Variants in MAN1A2 observed in about 807,000 individuals in gnomAD.
The protein encoded by MAN1A2 is mannosidase alpha class 1A member 2.
A neutral mutation model predicts 75.7 loss-of-function variants in MAN1A2; 26 were observed. The ratio of observed to expected loss-of-function variants is 0.34; its 90% CI spans 0.25 to 0.48. The LOEUF (loss-of-function observed/expected upper bound fraction) is 0.48, where lower values mean the gene tolerates loss of function less well. MAN1A2 is among the 20% of genes least tolerant of loss of function. The pLI, the probability that MAN1A2 is intolerant of heterozygous loss-of-function variation, is 0.99. For missense variants in MAN1A2, 562 were observed against 775.5 expected, an observed-to-expected ratio of 0.72 and a Z score of 3.27; for synonymous variants, 247 against 264.6, an observed-to-expected ratio of 0.93 and a Z score of 0.65.
chr1:117,373,524 C>CTGGAGTG (rs1557923236), intron 1 of MAN1A2, among the ~76,000 whole-genome samples: 1 of 142,318 alleles, frequency 7.0e-6, no homozygotes, highest in South Asian at 2.2e-4. Flanking sequence ...GTGGTCCAGG[C>CTGGAGTG]TGGAGTGCAG....
intron 3 of MAN1A2, among the ~76,000 whole-genome samples, chr1:117,407,080 A>G (rs191855679): frequency 6.3e-4 from 96 of 152,172 alleles, no homozygotes; most frequent in African/African-American, 2.1e-3. Context: ...GGAAACATCT[A>G]TTCTGCGAAG....
At chr1:117,379,658 T>G (rs1653267300) in intron 1 of MAN1A2, among the ~76,000 whole-genome samples, 1 of 152,148 alleles carries the variant, frequency 6.6e-6, no homozygotes, top group African/African-American at 2.4e-5. Flanking sequence ...CCCCCTAGCC[T>G]CTGACAACCA....
chr1:117,368,421 G>T lies in MAN1A2; in HGVS notation c.238G>T (p.Ala80Ser). ...LEDVLIPHVDAGKGAKNPGVF... is the reference protein window; with the variant it reads ...LEDVLIPHVDSGKGAKNPGVF... Reference sequence around the variant, plus strand: ...AGATGTGTTAATTCCACATGTAGATGCCGGTAAAGGGGCTAAAAACCCCGG... The same window carrying T: ...AGATGTGTTAATTCCACATGTAGATTCCGGTAAAGGGGCTAAAAACCCCGG... The change falls in exon 1 of 13, where the codon GCC becomes TCC. Residue 80 changes from alanine (A) to serine (S), a missense_variant. Physicochemically the swap from Ala to Ser is moderately conservative, Grantham distance 99 (BLOSUM62 1). Transcript: ENST00000356554. The T allele has an allele frequency of 1.2e-6, 2 of 1,614,008 alleles. No individual in the cohort carries two copies. Among genetic ancestry groups the T allele is most frequent in the Non-Finnish European group, 8.5e-7 (1 of 1,179,986 alleles).
chr1:117,377,109 T>A (rs978093270), intron 1 of MAN1A2, among the ~76,000 whole-genome samples: 1 of 152,236 alleles, frequency 6.6e-6, no homozygotes, highest in Non-Finnish European at 1.5e-5. Flanking sequence ...TATGGTTATA[T>A]CTGTATGTTT....
intron 12 of MAN1A2, among the ~76,000 whole-genome samples, chr1:117,517,502 T>C (rs1245930040): frequency 1.3e-5 from 2 of 152,098 alleles, no homozygotes; most frequent in Admixed American, 6.6e-5. Flanking sequence ...TTGAAAAATA[T>C]ACCAGATGAG....
chr1:117,391,390 A>G (rs1278189635), intron 1 of MAN1A2, among the ~76,000 whole-genome samples: 1 of 152,156 alleles, frequency 6.6e-6, no homozygotes, highest in Non-Finnish European at 1.5e-5. Context: ...AGGATGTTGA[A>G]ATTACCTATA....
chr1:117,527,937 G>A lies in MAN1A2; in HGVS notation c.*4980G>A, dbSNP rs546413490. Reference sequence around the variant, plus strand: ...CTATTCCTTTTTTAGACTGCAGAACGGTACTGCCCCTGTTACCTCTAGAAT... The same window carrying A: ...CTATTCCTTTTTTAGACTGCAGAACAGTACTGCCCCTGTTACCTCTAGAAT... On this transcript the variant is annotated 3_prime_UTR_variant, in exon 13 of 13. Coordinates refer to ENST00000356554, the MANE Select transcript of MAN1A2 (RefSeq NM_006699.5). 7.2e-5 allele frequency: 11 copies of A among 152,156 alleles called. No individual in the cohort carries two copies. Among genetic ancestry groups the A allele is most frequent in the African/African-American group, 2.4e-4 (10 of 41,540 alleles). 9.4% of individuals were successfully genotyped at this position (152,156 alleles called of 1,614,324 possible).
At chr1:117,371,422 G>T (rs1271941565) in intron 1 of MAN1A2, among the ~76,000 whole-genome samples, 1 of 152,194 alleles carries the variant, frequency 6.6e-6, no homozygotes, top group Non-Finnish European at 1.5e-5. Flanking sequence ...TGTACTCAGT[G>T]CTTTCAGAGC....
rs1003116200 is a variant in MAN1A2, at chr1:117,527,597, G to T, written c.*4640G>T. On this transcript the variant is annotated 3_prime_UTR_variant, in exon 13 of 13. Transcript: ENST00000356554. ...GACTATAATGAAAGAGACAGAATAG[G>T]GTAAGGGAAGATGGGTATGCTATCA... 2.0e-5 allele frequency: 3 copies of T among 152,098 alleles called. No homozygotes were observed. The highest frequency in any genetic ancestry group is 4.1e-4 in the South Asian group (2 of 4,824). 9.4% of individuals were successfully genotyped at this position (152,098 alleles called of 1,614,324 possible).
At chr1:117,391,217 G>A (rs1679820) in intron 1 of MAN1A2, among the ~76,000 whole-genome samples, 1 of 152,086 alleles carries the variant, frequency 6.6e-6, no homozygotes, top group Non-Finnish European at 1.5e-5. Context: ...TTATGACCTA[G>A]AAAATGGTCT....
At chr1:117,487,176 TTGCATCCCACACAC>T (rs1650734570) in intron 8 of MAN1A2, among the ~76,000 whole-genome samples, 1 of 151,988 alleles carries the variant, frequency 6.6e-6, no homozygotes, top group Admixed American at 6.6e-5. Context: ...ATGAAAGGGT[TTGCATCCCACACAC>T]TTTTGTGGGA....
At chr1:117,380,600 C>T (rs1653300039) in intron 1 of MAN1A2, among the ~76,000 whole-genome samples, 4 of 152,094 alleles carry the variant, frequency 2.6e-5, no homozygotes. Flanking sequence ...ATCTGTTTGT[C>T]CCAGCACCAT....
rs891467408 is a variant in MAN1A2, at chr1:117,527,959, G to C, written c.*5002G>C. On this transcript the variant is annotated 3_prime_UTR_variant, in exon 13 of 13. Coordinates refer to ENST00000356554, the MANE Select transcript of MAN1A2 (RefSeq NM_006699.5). Reference sequence around the variant, plus strand: ...AACGGTACTGCCCCTGTTACCTCTAGAATAGCCTGAGTCTGAGGAGTGCAG... The same window carrying C: ...AACGGTACTGCCCCTGTTACCTCTACAATAGCCTGAGTCTGAGGAGTGCAG... The C allele has an allele frequency of 6.6e-6, 1 of 152,048 alleles. No homozygotes were observed. The highest frequency in any genetic ancestry group is 6.6e-5 in the Admixed American group (1 of 15,234). The allele number at this position is 152,048 out of a possible 1,614,324, so 9.4% of individuals were successfully genotyped here.
intron 1 of MAN1A2, among the ~76,000 whole-genome samples, chr1:117,369,105 C>A (rs143007269): frequency 7.9e-5 from 12 of 152,212 alleles, no homozygotes; most frequent in Admixed American, 4.6e-4. Context: ...GGTATTGAAT[C>A]CTAAGTTATT....
At chr1:117,521,394 G>T (rs1388513784) in intron 12 of MAN1A2, among the ~76,000 whole-genome samples, 1 of 151,332 alleles carries the variant, frequency 6.6e-6, no homozygotes, top group Non-Finnish European at 1.5e-5. Flanking sequence ...GGGAGAAGAA[G>T]ATGTAAAAGT....
chr1:117,448,681 A>G (rs1207780488), intron 6 of MAN1A2, among the ~76,000 whole-genome samples: 1 of 152,202 alleles, frequency 6.6e-6, no homozygotes, highest in Non-Finnish European at 1.5e-5. Context: ...AAAGAGAAAT[A>G]AAAAAGCTGG....
intron 6 of MAN1A2, among the ~76,000 whole-genome samples, chr1:117,449,030 G>C (rs1649323997): frequency 6.6e-6 from 1 of 151,976 alleles, no homozygotes; most frequent in Admixed American, 6.6e-5. Flanking sequence ...TGTGATCGGT[G>C]ATCTTTCTTA....
At chr1:117,373,393 C>T (rs1653036113) in intron 1 of MAN1A2, among the ~76,000 whole-genome samples, 1 of 151,716 alleles carries the variant, frequency 6.6e-6, no homozygotes. Flanking sequence ...ATTTTTCCCA[C>T]TTCCCTTTAC....
intron 3 of MAN1A2, among the ~76,000 whole-genome samples, chr1:117,411,020 A>G (rs148561049): frequency 6.6e-6 from 1 of 151,914 alleles, no homozygotes; most frequent in African/African-American, 2.4e-5. Context: ...TGGGATGTTA[A>G]TTCTTTCTAA....
Sources: gnomAD v4.1 joint callset for allele counts (sites outside exome capture counted in the v4.1 genomes callset) on GRCh38, gnomAD v4.1.1 for gene constraint, MANE v1.5 for transcripts, NCBI Gene and HGNC (gene_info 2026-07-23, HGNC 2026-07-21) for gene names.